The following CCDC6 variants were observed in gnomAD, a reference collection of about 807,000 sequenced individuals.
The protein encoded by CCDC6 is coiled-coil domain-containing protein 6.
A neutral mutation model predicts 56.6 loss-of-function variants in CCDC6; 20 were observed. The observed-to-expected ratio is 0.35, with a 90% CI of 0.25 to 0.51. The LOEUF is 0.51. CCDC6 is among the 20% of genes least tolerant of loss of function. The pLI is 0.95. For synonymous variants in CCDC6, 241 were observed against 234.4 expected (o/e 1.03, Z -0.26); for missense variants, 367 against 601.1 (o/e 0.61, Z 4.07).
intron 1 of CCDC6, among the ~76,000 whole-genome samples, chr10:59,856,345 T>TAA (rs59039796): frequency 0.074 from 10,165 of 137,478 alleles, 679 homozygotes; most frequent in African/African-American, 0.18. Context: ...CAGCCTTAGG[T>TAA]AAAAAAAAAA....
chr10:59,882,591 GGGGAGAAGGAAAGGAAAGCCGGC>G (rs1564756224), intron 1 of CCDC6, among the ~76,000 whole-genome samples: 3 of 44,416 alleles, frequency 6.8e-5, no homozygotes, highest in East Asian at 2.5e-3. Flanking sequence ...GGAAAGCCGC[GGGGAGAAGGAAAGGAAAGCCGGC>G]GGGAGAAGGA....
At chr10:59,881,828 G>A (rs1311479744) in intron 1 of CCDC6, among the ~76,000 whole-genome samples, 1 of 152,168 alleles carries the variant, frequency 6.6e-6, no homozygotes, top group Non-Finnish European at 1.5e-5. Flanking sequence ...TGTGTGATAG[G>A]GTAGACGTAA....
At chr10:59,839,375 G>C (rs1476284343) in intron 2 of CCDC6, among the ~76,000 whole-genome samples, 3 of 152,152 alleles carry the variant, frequency 2.0e-5, no homozygotes, top group Non-Finnish European at 4.4e-5. Flanking sequence ...AAAATACATT[G>C]TGAATGCAAA....
At chr10:59,842,323 A>G (rs2070947298) in intron 2 of CCDC6, among the ~76,000 whole-genome samples, 1 of 152,232 alleles carries the variant, frequency 6.6e-6, no homozygotes, top group South Asian at 2.1e-4. Flanking sequence ...CTAGGATTAC[A>G]GGTGTGAGCC....
At chr10:59,833,850 G>A (rs1225295381) in intron 2 of CCDC6, among the ~76,000 whole-genome samples, 5 of 152,110 alleles carry the variant, frequency 3.3e-5, no homozygotes, top group Non-Finnish European at 7.4e-5. Context: ...AGACAGGCAT[G>A]GTCACTTCCA....
At chr10:59,893,658 A>ACATACATACATG (rs1554888046) in intron 1 of CCDC6, among the ~76,000 whole-genome samples, 26 of 140,724 alleles carry the variant, frequency 1.8e-4, no homozygotes, top group African/African-American at 6.5e-4. Context: ...ATACATACAT[A>ACATACATACATG]CATACATACA....
intron 1 of CCDC6, among the ~76,000 whole-genome samples, chr10:59,872,783 G>GC (rs1285739173): frequency 1.8e-5 from 2 of 113,074 alleles, no homozygotes; most frequent in Admixed American, 9.8e-5. Flanking sequence ...TCCAGATGGG[G>GC]GGGTGGGGGA....
At chr10:59,843,459 C>T (rs763634537) in intron 2 of CCDC6, among the ~76,000 whole-genome samples, 14 of 152,162 alleles carry the variant, frequency 9.2e-5, no homozygotes, top group Non-Finnish European at 1.6e-4. Flanking sequence ...GATATGTTTC[C>T]AGTTTCCTGC....
chr10:59,871,292 C>A (rs1267223256), intron 1 of CCDC6, among the ~76,000 whole-genome samples: 2 of 151,890 alleles, frequency 1.3e-5, no homozygotes, highest in African/African-American at 4.8e-5. Context: ...ACACCACATT[C>A]GCAGAGCTAA....
intron 1 of CCDC6, among the ~76,000 whole-genome samples, chr10:59,872,919 A>T (rs2071243944): frequency 6.6e-6 from 1 of 152,208 alleles, no homozygotes. Flanking sequence ...CTTTAAACAC[A>T]ATTCCAAAAC....
At chr10:59,896,918 C>A (rs976680626) in intron 1 of CCDC6, among the ~76,000 whole-genome samples, 4 of 152,098 alleles carry the variant, frequency 2.6e-5, no homozygotes, top group African/African-American at 4.8e-5. Flanking sequence ...ACAATATAAA[C>A]CCCATGCATG....
chr10:59,876,529 C>A (rs1219953323), intron 1 of CCDC6, among the ~76,000 whole-genome samples: 1 of 150,212 alleles, frequency 6.7e-6, no homozygotes, highest in Non-Finnish European at 1.5e-5. Flanking sequence ...TAGGCAAGGT[C>A]CACCAAACTT....
chr10:59,894,620 T>C (rs757267815), intron 1 of CCDC6, among the ~76,000 whole-genome samples: 3 of 152,076 alleles, frequency 2.0e-5, no homozygotes, highest in Non-Finnish European at 2.9e-5. Context: ...CAGGCTATTT[T>C]TAAGTAGAGA....
At position 59,792,990 on chromosome 10, in the gene CCDC6, G is replaced by A. The variant is rs1268315591; in HGVS notation, c.1352C>T (p.Pro451Leu). 1 of 1,613,222 alleles carries A rather than the reference G, an allele frequency of 6.2e-7. No homozygotes were observed. Among genetic ancestry groups the A allele is most frequent in the Non-Finnish European group, 8.5e-7 (1 of 1,179,432 alleles). The change falls in exon 9 of 9, where the codon CCC becomes CTC. Residue 451 changes from proline (P) to leucine (L), a missense_variant. Pro to Leu is a moderately conservative substitution (Grantham distance 98, BLOSUM62 -3). This residue lies in a region of CCDC6 where 54 missense variants were observed against 60.0 expected (regional missense o/e 0.90). Transcript: ENST00000263102. ...CGAGGTGGCTGCTGAGGGGACCGTG[G>A]GCTGCATGGGTGGCGGAGGTGGAGG... ...PPPPPPPPMQ[P>L]TVPSAATSQP...
chr10:59,812,397 C>G (rs2070681004), intron 5 of CCDC6, among the ~76,000 whole-genome samples: 1 of 151,394 alleles, frequency 6.6e-6, no homozygotes, highest in African/African-American at 2.4e-5. Flanking sequence ...CTGGATGTTC[C>G]TGAAATTACT....
intron 2 of CCDC6, among the ~76,000 whole-genome samples, chr10:59,843,479 C>G (rs2070960602): frequency 6.6e-6 from 1 of 152,218 alleles, no homozygotes; most frequent in Admixed American, 6.5e-5. Flanking sequence ...CCAAAGATTT[C>G]AAGGTTGGCT....
chr10:59,843,328 A>C (rs905780339), intron 2 of CCDC6, among the ~76,000 whole-genome samples: 1 of 152,238 alleles, frequency 6.6e-6, no homozygotes, highest in African/African-American at 2.4e-5. Flanking sequence ...TTTCTTCCTC[A>C]GTCAGCTGGA....
chr10:59,826,814 T>C (rs2070792192), intron 3 of CCDC6, among the ~76,000 whole-genome samples: 1 of 152,164 alleles, frequency 6.6e-6, no homozygotes, highest in African/African-American at 2.4e-5. Flanking sequence ...TACACACTTA[T>C]TTTCCTGGAA....
chr10:59,864,200 G>C (rs952864751), intron 1 of CCDC6, among the ~76,000 whole-genome samples: 1 of 152,134 alleles, frequency 6.6e-6, no homozygotes, highest in Non-Finnish European at 1.5e-5. Context: ...TTTAAGTATG[G>C]AACCAGTTTA....
Sources: allele counts gnomAD v4.1 joint callset (sites outside exome capture counted in the v4.1 genomes callset), GRCh38; gene constraint gnomAD v4.1.1; regional missense constraint gnomAD v4.1.1; transcripts MANE v1.5; gene names NCBI Gene and HGNC (gene_info 2026-07-23, HGNC 2026-07-21).